The following ADIPOR1 variants were observed in gnomAD, a reference collection of about 807,000 sequenced individuals.
ADIPOR1 encodes the protein adiponectin receptor protein 1.
A neutral mutation model predicts 37.5 loss-of-function variants in ADIPOR1; 15 were observed. That is an observed-to-expected ratio of 0.40 (90% confidence interval 0.27 to 0.62). The LOEUF (loss-of-function observed/expected upper bound fraction) is 0.62, where lower values mean the gene tolerates loss of function less well. Ranked by LOEUF, ADIPOR1 falls within the 20% of genes least tolerant of loss-of-function variation. ADIPOR1 has a pLI of 0.42. For missense variants in ADIPOR1, 286 were observed against 478.0 expected, an observed-to-expected ratio of 0.60 and a Z score of 3.75; for synonymous variants, 173 against 173.2, an observed-to-expected ratio of 1.00 and a Z score of 0.01.
chr1:202,952,453 C>T (rs961335179), intron 1 of ADIPOR1, among the ~76,000 whole-genome samples: 1 of 152,178 alleles, frequency 6.6e-6, no homozygotes, highest in African/African-American at 2.4e-5. Flanking sequence ...ATACAAATAT[C>T]TTTGATATCT....
rs775780092 is a variant in ADIPOR1 at position 202,951,061 on chromosome 1, G to A, written c.10C>T (p.His4Tyr). The change falls in exon 2 of 8, where the codon CAC becomes TAC. Residue 4 changes from histidine to tyrosine, a missense_variant. Physicochemically the swap from His to Tyr is moderately conservative, Grantham distance 83 (BLOSUM62 2). Transcript: ENST00000340990. MSS[H>Y]KGSVVAQGNG... is the part of the protein sequence containing the mutation. ...CCCTGTGCCACCACAGATCCTTTGT[G>A]GGAAGACATCTGGCTGGTACCTCAA... 1 of 1,614,106 alleles carries A rather than the reference G, an allele frequency of 6.2e-7. No individual in the cohort carries two copies. Among genetic ancestry groups the A allele is most frequent in the Admixed American group, 1.7e-5 (1 of 60,020 alleles).
Position 202,943,811 on chromosome 1 carries a change from A to T in ADIPOR1, c.752T>A (p.Ile251Asn), listed in dbSNP as rs369530077. The change falls in exon 6 of 8, where the codon ATT becomes AAT. Residue 251 changes from isoleucine (I) to asparagine (N), a missense_variant. Coordinates refer to ENST00000340990, the MANE Select transcript of ADIPOR1 (RefSeq NM_015999.6). ...IVCVLGISAI[I>N]VAQWDRFATP... ...GGCAAACCGGTCCCACTGCGCCACA[A>T]TGATGGCAGAAATGCCCAGGACACA... The T allele has an allele frequency of 6.2e-7, 1 of 1,614,138 alleles. No homozygotes were observed. The highest frequency in any genetic ancestry group is 1.3e-5 in the African/African-American group (1 of 75,060).
At position 202,950,952 on chromosome 1, in the gene ADIPOR1, C is replaced by G. The variant is rs369660216; in HGVS notation, c.119G>C (p.Arg40Pro). ...LGPLLEEKGK[R>P]VIANPPKAEE... The stretch of plus-strand genomic sequence containing the variant: ...TACTTTGGGTGGGTTGGCGATTACC[C>G]GTTTGCCCTTCTCTTCTAGCAGGGG... The change falls in exon 2 of 8, where the codon CGG (arginine) becomes CCG (proline). Residue 40 changes from arginine (R) to proline (P), a missense_variant. Transcript: ENST00000340990. The G allele has an allele frequency of 1.2e-6, 2 of 1,614,042 alleles. No individual in the cohort carries two copies. The highest frequency in any genetic ancestry group is 1.7e-6 in the Non-Finnish European group (2 of 1,180,042).
chr1:202,947,999 T>C (rs1044020949), intron 3 of ADIPOR1, among the ~76,000 whole-genome samples: 2 of 152,250 alleles, frequency 1.3e-5, no homozygotes, highest in Non-Finnish European at 2.9e-5. Context: ...ATCATTCATG[T>C]ATATTTAATG....
intron 4 of ADIPOR1, 28 bp from the exon 5 acceptor site, chr1:202,945,197 T>C: frequency 6.5e-7 from 1 of 1,547,320 alleles, no homozygotes; most frequent in Non-Finnish European, 8.7e-7. Flanking sequence ...AAAAAAAACC[T>C]GTAAGAAAAA....
chr1:202,951,433 C>A (rs1406792024), intron 1 of ADIPOR1, among the ~76,000 whole-genome samples: 1 of 152,128 alleles, frequency 6.6e-6, no homozygotes, highest in Admixed American at 6.5e-5. Context: ...CAAACTGTCA[C>A]CATAGAAAAA....
chr1:202,951,824 A>G (rs1320601873), intron 1 of ADIPOR1, among the ~76,000 whole-genome samples: 2 of 152,204 alleles, frequency 1.3e-5, no homozygotes, highest in African/African-American at 4.8e-5. Context: ...CAAGCAAGCA[A>G]GAACTTACCT....
chr1:202,947,532 T>C (rs974666250), intron 3 of ADIPOR1, among the ~76,000 whole-genome samples: 1 of 151,886 alleles, frequency 6.6e-6, no homozygotes, highest in Non-Finnish European at 1.5e-5. Context: ...AATATATATA[T>C]ATATATGGTA....
At chr1:202,956,715 T>C (rs755117282) in intron 1 of ADIPOR1, among the ~76,000 whole-genome samples, 1 of 151,928 alleles carries the variant, frequency 6.6e-6, no homozygotes, top group Non-Finnish European at 1.5e-5. Context: ...AAGAACACAG[T>C]CCCCAGGGCA....
intron 1 of ADIPOR1, among the ~76,000 whole-genome samples, chr1:202,955,121 G>A (rs1002737525): frequency 2.0e-5 from 3 of 152,058 alleles, no homozygotes; most frequent in South Asian, 2.1e-4. Context: ...TGAAATCACC[G>A]AACTACAGTA....
At chr1:202,950,660 CTTCA>C (rs1168875175) in intron 2 of ADIPOR1, among the ~76,000 whole-genome samples, 1 of 152,156 alleles carries the variant, frequency 6.6e-6, no homozygotes. Flanking sequence ...TGACTGCTTC[CTTCA>C]TTCATTCAGA....
At chr1:202,949,781 C>T (rs1654492308) in intron 2 of ADIPOR1, among the ~76,000 whole-genome samples, 1 of 152,076 alleles carries the variant, frequency 6.6e-6, no homozygotes, top group Non-Finnish European at 1.5e-5. Flanking sequence ...CAGCTTCCAG[C>T]CAGTCTACCC....
At chr1:202,951,320 C>T (rs1654573477) in intron 1 of ADIPOR1, among the ~76,000 whole-genome samples, 156 bp from the exon 2 acceptor site, 1 of 152,176 alleles carries the variant, frequency 6.6e-6, no homozygotes, top group African/African-American at 2.4e-5. Flanking sequence ...CCTGTCCTCC[C>T]TCTTTAATGT....
intron 2 of ADIPOR1, 93 bp downstream of exon 2, chr1:202,950,837 C>A (rs1219160380): frequency 3.9e-6 from 6 of 1,529,062 alleles, no homozygotes; most frequent in South Asian, 3.6e-5. Context: ...CAATGTTCCT[C>A]CTTTTGGACG....
intron 2 of ADIPOR1, among the ~76,000 whole-genome samples, chr1:202,949,919 A>G (rs1247757597): frequency 6.6e-6 from 1 of 152,174 alleles, no homozygotes; most frequent in Non-Finnish European, 1.5e-5. Context: ...TATGTAAGTA[A>G]GTTCTGGCCG....
At chr1:202,947,069 T>A (rs747611613) in intron 3 of ADIPOR1, among the ~76,000 whole-genome samples, 1 of 151,604 alleles carries the variant, frequency 6.6e-6, no homozygotes, top group African/African-American at 2.4e-5. Flanking sequence ...TGAGCCGAGA[T>A]TGCACCACTG....
chr1:202,954,521 G>A (rs527490815), intron 1 of ADIPOR1, among the ~76,000 whole-genome samples: 2 of 152,318 alleles, frequency 1.3e-5, no homozygotes, highest in South Asian at 2.1e-4. Context: ...CCTTCTGCCA[G>A]CTTTCTATGT....
chr1:202,942,124 C>G lies in ADIPOR1; in HGVS notation c.900G>C (p.Met300Ile). The G allele has an allele frequency of 6.2e-7, 1 of 1,614,160 alleles. No homozygotes were observed. Among genetic ancestry groups the G allele is most frequent in the Non-Finnish European group, 8.5e-7 (1 of 1,180,036 alleles). The part of the protein sequence containing the change: ...GFVKATTVGQ[M>I]GWFFLMAVMY... The stretch of plus-strand genomic sequence containing the variant: ...TCACAGCCATGAGGAAGAACCAGCC[C>G]ATCTGGCCCACTGTGGTGGCCTTGA... The change falls in exon 7 of 8, where the codon ATG becomes ATC. Residue 300 changes from methionine to isoleucine, a missense_variant. Met to Ile is a conservative substitution (Grantham distance 10, BLOSUM62 1). Transcript: ENST00000340990.
intron 2 of ADIPOR1, among the ~76,000 whole-genome samples, chr1:202,948,911 C>T (rs79441990): frequency 0.037 from 5,603 of 151,924 alleles, 330 homozygotes; most frequent in East Asian, 0.22. Flanking sequence ...CATGCCTCGG[C>T]CTCCAAGTAG....
Sources: gnomAD v4.1 joint callset for allele counts (sites outside exome capture counted in the v4.1 genomes callset) on GRCh38, gnomAD v4.1.1 for gene constraint, MANE v1.5 for transcripts, NCBI Gene and HGNC (gene_info 2026-07-23, HGNC 2026-07-21) for gene names.